FAAP20: variants seen among roughly 807,000 people sequenced by gnomAD.
FAAP20 encodes the protein FA core complex associated protein 20.
In FAAP20, 12 loss-of-function variants were observed where a neutral mutation model predicts 16.2. That is an observed-to-expected ratio of 0.74 (90% CI 0.48 to 1.20). FAAP20 has a LOEUF of 1.20. Ranked by LOEUF, FAAP20 falls within the 50% of genes most tolerant of loss-of-function variation. FAAP20 has a pLI of 0.00. For synonymous variants in FAAP20, 141 were observed against 110.7 expected (o/e 1.27, Z -1.72); for missense variants, 288 against 245.8 (o/e 1.17, Z -1.15).
chr1:2,196,743 G>A (rs1336574235), upstream of FAAP20, among the ~76,000 whole-genome samples: 2 of 152,192 alleles, frequency 1.3e-5, no homozygotes, highest in Non-Finnish European at 1.5e-5. The surrounding 1 kb of genome is among the most constrained non-coding windows in gnomAD (Gnocchi z 4.5). Flanking sequence ...GGGTGGCTGA[G>A]GCACGAAAAC....
At chr1:2,185,240 G>A (rs923678155), downstream of FAAP20, 15 of 710,570 alleles carry the variant, frequency 2.1e-5, no homozygotes, top group Admixed American at 1.2e-4. Context: ...CTGTGCCTGC[G>A]TCGCGGCGGA....
chr1:2,187,291 TTTTTTC>T (rs1034558856), downstream of FAAP20: 7 of 413,046 alleles, frequency 1.7e-5, no homozygotes, highest in African/African-American at 1.5e-4. Context: ...TTTTCTTTTT[TTTTTTC>T]TTTTTCTTTT....
chr1:2,186,264 A>G (rs1687574941), downstream of FAAP20: 1 of 280,944 alleles, frequency 3.6e-6, no homozygotes, highest in South Asian at 3.0e-5. Flanking sequence ...GGGAAGAGAG[A>G]CGTAAAACCC....
chr1:2,188,920 G>A (rs1457942018), downstream of FAAP20, among the ~76,000 whole-genome samples: 4 of 150,978 alleles, frequency 2.6e-5, no homozygotes, highest in Non-Finnish European at 5.9e-5. Context: ...CAGGAGAATG[G>A]CGTGAACCCG....
chr1:2,189,430 C>A, downstream of FAAP20: 1 of 525,576 alleles, frequency 1.9e-6, no homozygotes, highest in Non-Finnish European at 3.5e-6. Flanking sequence ...CGTCCGCTGT[C>A]CACAGTGGGG....
downstream of FAAP20, among the ~76,000 whole-genome samples, chr1:2,186,504 C>A (rs569291460): frequency 1.0e-3 from 155 of 150,090 alleles, 8 homozygotes; most frequent in African/African-American, 3.6e-3. Context: ...CCGCCCCCCC[C>A]CGGCCAGCTC....
downstream of FAAP20, among the ~76,000 whole-genome samples, chr1:2,208,989 C>T (rs553898242): frequency 3.7e-4 from 56 of 152,338 alleles, no homozygotes; most frequent in African/African-American, 1.3e-3. Context: ...AAGCCCGGAC[C>T]CCACTCACTG....
upstream of FAAP20, among the ~76,000 whole-genome samples, chr1:2,201,823 T>C (rs182069661): frequency 0.011 from 1,607 of 152,022 alleles, 13 homozygotes; most frequent in Middle Eastern, 0.034. Flanking sequence ...TGAGACCATC[T>C]TGGCTAACAC....
intron 3 of FAAP20, 61 bp from the exon 4 acceptor site, chr1:2,189,842 C>T: frequency 7.7e-7 from 1 of 1,298,470 alleles, no homozygotes; most frequent in Admixed American, 1.7e-5. Flanking sequence ...GCAGAGAGCA[C>T]CGTCTGGACC....
upstream of FAAP20, among the ~76,000 whole-genome samples, chr1:2,197,619 A>G (rs750258092): frequency 2.0e-5 from 3 of 152,210 alleles, no homozygotes; most frequent in Non-Finnish European, 2.9e-5. Context: ...GGCCAGTGCC[A>G]TGGGGCAGAA....
At chr1:2,197,750 C>T (rs1408388336), upstream of FAAP20, among the ~76,000 whole-genome samples, 1 of 152,242 alleles carries the variant, frequency 6.6e-6, no homozygotes, top group Non-Finnish European at 1.5e-5. Flanking sequence ...TCCCCTCCTC[C>T]CATGTCACCA....
downstream of FAAP20, chr1:2,185,158 C>A (rs1003633828): frequency 1.3e-6 from 1 of 795,928 alleles, no homozygotes; most frequent in African/African-American, 1.7e-5. Flanking sequence ...CGTCAGCGGG[C>A]GCTGCTGGGA....
downstream of FAAP20, among the ~76,000 whole-genome samples, chr1:2,210,069 G>T (rs1689395100): frequency 6.6e-6 from 1 of 152,166 alleles, no homozygotes; most frequent in South Asian, 2.1e-4. Context: ...AAAAGGCCCT[G>T]CCTAGTGCCC....
At chr1:2,197,407 G>C (rs866102366), upstream of FAAP20, among the ~76,000 whole-genome samples, 1 of 152,218 alleles carries the variant, frequency 6.6e-6, no homozygotes, top group Non-Finnish European at 1.5e-5. Flanking sequence ...TGCGCTGCCC[G>C]GCTGGCGCAG....
intron 1 of FAAP20, among the ~76,000 whole-genome samples, chr1:2,206,993 C>A (rs953099108): frequency 6.6e-6 from 1 of 152,176 alleles, no homozygotes; most frequent in Non-Finnish European, 1.5e-5. Flanking sequence ...CAGGGACAAA[C>A]CCGAAAACAC....
chr1:2,194,511 G>T (rs1379575790), intron 1 of FAAP20, among the ~76,000 whole-genome samples, 177 bp downstream of exon 1: 9 of 144,242 alleles, frequency 6.2e-5, no homozygotes, highest in Admixed American at 5.4e-4. Flanking sequence ...GGCGTGGGGT[G>T]GGGGCTCAAG....
chr1:2,189,119 T>G (rs2100635487), downstream of FAAP20, among the ~76,000 whole-genome samples: 1 of 150,346 alleles, frequency 6.7e-6, no homozygotes, highest in East Asian at 2.0e-4. Flanking sequence ...CGCTTGGGCC[T>G]AGGAGTTCGA....
chr1:2,194,766 C>T lies in FAAP20; in HGVS notation c.-17G>A. On this transcript the variant is annotated 5_prime_UTR_variant, in exon 1 of 4. Transcript: ENST00000378546. ...CGCCTCCATCCAAGCCCGCGCCGGG[C>T]GGAAGTGAGCGCAAGCCCCGCCCCC... The T allele has an allele frequency of 8.5e-7, 1 of 1,174,488 alleles. No homozygotes were observed. 72.8% of individuals were successfully genotyped at this position (1,174,488 alleles called of 1,614,324 possible). A position where few individuals can be genotyped will look rare whatever the true frequency, so the allele number is the denominator to read the frequency against.
chr1:2,187,703 G>A (rs143719899), downstream of FAAP20, among the ~76,000 whole-genome samples: 3 of 152,070 alleles, frequency 2.0e-5, no homozygotes, highest in East Asian at 3.9e-4. Flanking sequence ...TGCCCTGCCC[G>A]TCCTGCCCTG....
Sources: allele counts gnomAD v4.1 joint callset (sites outside exome capture counted in the v4.1 genomes callset), GRCh38; gene constraint gnomAD v4.1.1; non-coding constraint Gnocchi (gnomAD v3.1); transcripts MANE v1.5; gene names NCBI Gene and HGNC (gene_info 2026-07-23, HGNC 2026-07-21).